The following SNTB1 variants were observed in gnomAD, a reference collection of about 807,000 sequenced individuals.
SNTB1 encodes syntrophin beta 1.
A neutral mutation model predicts 48.9 loss-of-function variants in SNTB1; 36 were observed. The observed-to-expected ratio is 0.74, with a 90% confidence interval of 0.56 to 0.97. The LOEUF (loss-of-function observed/expected upper bound fraction) is 0.97. SNTB1 is among the 50% of genes least tolerant of loss of function. The pLI, the probability that SNTB1 is intolerant of heterozygous loss-of-function variation, is 0.00. For missense variants in SNTB1, 786 were observed against 703.4 expected (o/e 1.12, Z -1.33); for synonymous variants, 299 against 294.6 (o/e 1.01, Z -0.15).
At chr8:120,544,738 T>C (rs2130646725) in intron 5 of SNTB1, among the ~76,000 whole-genome samples, 1 of 152,082 alleles carries the variant, frequency 6.6e-6, no homozygotes, top group East Asian at 1.9e-4. Context: ...TGTAACCTTA[T>C]TAAACTTAGT....
chr8:120,637,236 A>C (rs1321609506), intron 2 of SNTB1: 1 of 347,560 alleles, frequency 2.9e-6, no homozygotes, highest in African/African-American at 2.2e-5. Flanking sequence ...CTACCATAAC[A>C]AAATAAGATG....
intron 1 of SNTB1, among the ~76,000 whole-genome samples, chr8:120,729,813 A>C (rs1818822000): frequency 1.3e-5 from 2 of 152,210 alleles, no homozygotes; most frequent in Admixed American, 1.3e-4. Context: ...GCCACTGAAA[A>C]ACATGCCAAA....
intron 1 of SNTB1, among the ~76,000 whole-genome samples, chr8:120,731,761 G>A (rs140655769): frequency 3.9e-5 from 6 of 152,298 alleles, no homozygotes; most frequent in Non-Finnish European, 7.4e-5. Flanking sequence ...GATGTCTACG[G>A]CAGAACTCGT....
At chr8:120,770,453 G>A (rs79170514) in intron 1 of SNTB1, among the ~76,000 whole-genome samples, 5,918 of 150,532 alleles carry the variant, frequency 0.039, 392 homozygotes, top group African/African-American at 0.14. Context: ...AGATCTTACA[G>A]AAATTTGGTC....
intron 3 of SNTB1, among the ~76,000 whole-genome samples, chr8:120,620,781 A>T (rs2130741248): frequency 6.6e-6 from 1 of 152,026 alleles, no homozygotes; most frequent in East Asian, 1.9e-4. Flanking sequence ...AACTTTGTAA[A>T]ATACACAAAC....
intron 1 of SNTB1, among the ~76,000 whole-genome samples, chr8:120,807,880 C>T (rs1181015000): frequency 1.3e-5 from 2 of 152,000 alleles, no homozygotes; most frequent in African/African-American, 4.8e-5. Context: ...TTGGAATGCT[C>T]CTGGCTATGT....
At chr8:120,765,801 G>A (rs1339288291) in intron 1 of SNTB1, 1 of 151,966 alleles carries the variant, frequency 6.6e-6, no homozygotes, top group African/African-American at 2.4e-5. Context: ...TCACAGCAGT[G>A]GCCATGATAG....
At chr8:120,581,101 A>G (rs944592765) in intron 3 of SNTB1, among the ~76,000 whole-genome samples, 1 of 151,210 alleles carries the variant, frequency 6.6e-6, no homozygotes, top group East Asian at 1.9e-4. Context: ...AAAAAAAAAA[A>G]AAAAAAGAGA....
chr8:120,693,976 T>C, intron 1 of SNTB1, 68 bp from the exon 2 acceptor site: 3 of 1,236,210 alleles, frequency 2.4e-6, no homozygotes, highest in Non-Finnish European at 3.6e-6. Flanking sequence ...TCTGATTGTG[T>C]TTCTGAAATA....
At chr8:120,767,675 T>C (rs976037674) in intron 1 of SNTB1, among the ~76,000 whole-genome samples, 5 of 152,172 alleles carry the variant, frequency 3.3e-5, no homozygotes, top group African/African-American at 9.7e-5. Flanking sequence ...ATCTGTGAAA[T>C]GGAGATTATC....
intron 1 of SNTB1, among the ~76,000 whole-genome samples, chr8:120,798,080 T>C (rs771404803): frequency 1.3e-5 from 2 of 152,070 alleles, no homozygotes; most frequent in Non-Finnish European, 2.9e-5. Flanking sequence ...ATCTCTTCTA[T>C]ATGGCAACAA....
At chr8:120,772,008 T>G (rs1283100271) in intron 1 of SNTB1, among the ~76,000 whole-genome samples, 1 of 152,122 alleles carries the variant, frequency 6.6e-6, no homozygotes, top group African/African-American at 2.4e-5. Context: ...TAACTGGGTC[T>G]ACAGGCATGT....
At chr8:120,616,955 A>G (rs978963143) in intron 3 of SNTB1, among the ~76,000 whole-genome samples, 2 of 152,232 alleles carry the variant, frequency 1.3e-5, no homozygotes, top group Non-Finnish European at 2.9e-5. Flanking sequence ...GTGCACAGGC[A>G]TATGCTCACT....
chr8:120,546,678 C>T (rs997087281), intron 5 of SNTB1, among the ~76,000 whole-genome samples: 7 of 152,112 alleles, frequency 4.6e-5, no homozygotes, highest in Non-Finnish European at 7.4e-5. Context: ...CCATGTTGGC[C>T]GGGCTGATCT....
intron 3 of SNTB1, among the ~76,000 whole-genome samples, chr8:120,631,052 C>T (rs567716172): frequency 1.2e-4 from 18 of 152,260 alleles, no homozygotes; most frequent in African/African-American, 2.4e-4. Flanking sequence ...TATCAGAACC[C>T]GGGCATGCTC....
At chr8:120,803,360 A>G (rs909239790) in intron 1 of SNTB1, among the ~76,000 whole-genome samples, 1 of 152,140 alleles carries the variant, frequency 6.6e-6, no homozygotes, top group African/African-American at 2.4e-5. Context: ...TTTTTGTCTT[A>G]AGTCTTAACT....
At chr8:120,605,130 G>A (rs1370533357) in intron 3 of SNTB1, among the ~76,000 whole-genome samples, 1 of 152,166 alleles carries the variant, frequency 6.6e-6, no homozygotes, top group Non-Finnish European at 1.5e-5. Context: ...GAGGAATGCC[G>A]AGTGGATGAT....
intron 1 of SNTB1, among the ~76,000 whole-genome samples, chr8:120,787,122 G>C (rs536564140): frequency 6.6e-6 from 1 of 152,046 alleles, no homozygotes; most frequent in Admixed American, 6.5e-5. Flanking sequence ...AACTCATACA[G>C]AGTATTCACC....
At chr8:120,551,984 C>T (rs1368194461) in intron 4 of SNTB1, among the ~76,000 whole-genome samples, 2 of 152,128 alleles carry the variant, frequency 1.3e-5, no homozygotes, top group African/African-American at 4.8e-5. Flanking sequence ...CTTCCCTGGC[C>T]TAACATGCTC....
Sources: gnomAD v4.1 joint callset for allele counts (sites outside exome capture counted in the v4.1 genomes callset) on GRCh38, gnomAD v4.1.1 for gene constraint, MANE v1.5 for transcripts, NCBI Gene and HGNC (gene_info 2026-07-23, HGNC 2026-07-21) for gene names.